Variants in CLIC5 observed in about 807,000 individuals in gnomAD.
CLIC5 encodes CLIC family member 5, also known as chloride intracellular channel protein 5.
CLIC5 carries 20 observed loss-of-function variants against 24.7 expected under a neutral mutation model. That is an observed-to-expected ratio of 0.81 (90% CI 0.57 to 1.18). CLIC5 has a LOEUF of 1.18. Ranked by LOEUF, CLIC5 falls within the 50% of genes most tolerant of loss-of-function variation. CLIC5 has a pLI of 0.00. For synonymous variants in CLIC5, 159 were observed against 135.6 expected, an observed-to-expected ratio of 1.17 and a Z score of -1.20; for missense variants, 341 against 326.1, an observed-to-expected ratio of 1.05 and a Z score of -0.35.
chr6:45,950,189 G>C (rs947670732), intron 2 of CLIC5, among the ~76,000 whole-genome samples: 4 of 152,186 alleles, frequency 2.6e-5, no homozygotes, highest in Non-Finnish European at 5.9e-5. Context: ...AGCTCCATGA[G>C]GGAAAGGACC....
intron 1 of CLIC5, among the ~76,000 whole-genome samples, chr6:45,977,261 C>T (rs970215289): frequency 6.6e-6 from 1 of 152,032 alleles, no homozygotes; most frequent in African/African-American, 2.4e-5. Flanking sequence ...TATAGTGAAA[C>T]ATAAACCTCT....
chr6:45,897,340 G>T (rs944677255), downstream of CLIC5, among the ~76,000 whole-genome samples: 1 of 152,182 alleles, frequency 6.6e-6, no homozygotes, highest in Non-Finnish European at 1.5e-5. Context: ...CAGCCAGCAG[G>T]ATGGCCCAGA....
rs1762452812 is a variant in CLIC5 at position 45,899,395 on chromosome 6, G to T, written c.*3693C>A. 6.6e-6 allele frequency: 1 copy of T among 152,246 alleles called. No individual in the cohort carries two copies. The highest frequency in any genetic ancestry group is 1.9e-4 in the East Asian group (1 of 5,194). The allele number at this position is 152,246 out of a possible 1,614,324, so 9.4% of individuals were successfully genotyped here. A position where few individuals can be genotyped will look rare whatever the true frequency, so the allele number is the denominator to read the frequency against. On this transcript the variant is annotated 3_prime_UTR_variant, in exon 6 of 6. Coordinates refer to ENST00000339561, the MANE Select transcript of CLIC5 (RefSeq NM_016929.5). Reference sequence around the variant, plus strand: ...CACCAGCATCTTGATTCACCGTGCAGTTGAGATGGCCCCTGGCCAGTGGGA... The same window carrying T: ...CACCAGCATCTTGATTCACCGTGCATTTGAGATGGCCCCTGGCCAGTGGGA...
chr6:46,121,560 G>A, the CLIC5 span, among the ~76,000 whole-genome samples: 14,660 of 152,032 alleles, frequency 0.096, 813 homozygotes, highest in East Asian at 0.16. Flanking sequence ...CATAATGACA[G>A]GATCAAATTC....
At chr6:46,028,235 T>G (rs937947698) in intron 1 of CLIC5, among the ~76,000 whole-genome samples, 5 of 152,320 alleles carry the variant, frequency 3.3e-5, no homozygotes, top group South Asian at 2.1e-4. Flanking sequence ...GTGGTCTGAT[T>G]GAGTTCACCA....
chr6:45,960,883 C>G (rs1470108546), intron 1 of CLIC5, among the ~76,000 whole-genome samples: 1 of 152,318 alleles, frequency 6.6e-6, no homozygotes, highest in African/African-American at 2.4e-5. Flanking sequence ...GTGCCAGGTT[C>G]CAAACCACTT....
intron 5 of CLIC5, among the ~76,000 whole-genome samples, chr6:45,903,501 A>G (rs1182421158): frequency 6.6e-6 from 1 of 152,220 alleles, no homozygotes; most frequent in Non-Finnish European, 1.5e-5. Flanking sequence ...ATTTTTTCTC[A>G]GGAAATAATC....
At chr6:45,974,853 T>C (rs1765334227) in intron 1 of CLIC5, among the ~76,000 whole-genome samples, 1 of 152,118 alleles carries the variant, frequency 6.6e-6, no homozygotes, top group South Asian at 2.1e-4. Context: ...TCAAGTCTGT[T>C]ATAATCACAT....
At position 46,052,125 on chromosome 6, in the gene CLIC5, GAA is replaced by G. The variant is rs11352899; in HGVS notation, c.540+27576_540+27577del. ...AACACAAAAATGATGAGATTTCCCT[GAA>G]AAAAAAAAAAAGAAGAAATTCTTGT... On this transcript the variant is annotated intron_variant, in intron 1 of 5. Transcript: ENST00000185206. Among the ~76,000 whole-genome samples the G allele has an allele frequency of 4.2e-3, 619 of 146,838 alleles. 2 individuals carry two copies. The highest frequency in any genetic ancestry group is 0.012 in the African/African-American group (480 of 40,286).
At chr6:46,093,225 T>C in the CLIC5 span, among the ~76,000 whole-genome samples, 3 of 152,200 alleles carry the variant, frequency 2.0e-5, no homozygotes, top group Non-Finnish European at 4.4e-5. Context: ...GCTCCACTTA[T>C]ACCTGGTCCC....
the CLIC5 span, among the ~76,000 whole-genome samples, chr6:46,093,184 GGCATC>G: frequency 6.6e-6 from 1 of 152,062 alleles, no homozygotes; most frequent in Non-Finnish European, 1.5e-5. Context: ...TGTTGGGTCA[GGCATC>G]ACATTATATT....
chr6:46,116,954 A>G, the CLIC5 span, among the ~76,000 whole-genome samples: 352 of 152,326 alleles, frequency 2.3e-3, 3 homozygotes, highest in Non-Finnish European at 4.2e-3. Flanking sequence ...GGGCATGCTT[A>G]TTTACAGACC....
At chr6:45,955,467 G>T (rs1471224698) in intron 1 of CLIC5, among the ~76,000 whole-genome samples, 1 of 152,154 alleles carries the variant, frequency 6.6e-6, no homozygotes, top group African/African-American at 2.4e-5. Flanking sequence ...AATTGAACTT[G>T]ATGATTATGC....
chr6:45,928,767 A>AGTGTGTGTGT (rs5875948), intron 4 of CLIC5, among the ~76,000 whole-genome samples: 191 of 144,170 alleles, frequency 1.3e-3, no homozygotes, highest in African/African-American at 3.8e-3. Context: ...GAAGTGCATA[A>AGTGTGTGTGT]GTGTGTGTGT....
intron 1 of CLIC5, among the ~76,000 whole-genome samples, chr6:46,047,185 G>A (rs1036103315): frequency 6.6e-6 from 1 of 152,180 alleles, no homozygotes; most frequent in Non-Finnish European, 1.5e-5. Flanking sequence ...GGGCATCTTG[G>A]GTACTTCACT....
At chr6:45,890,945 A>G (rs1581703906) in intron 6 of CLIC5, among the ~76,000 whole-genome samples, 2 of 152,126 alleles carry the variant, frequency 1.3e-5, no homozygotes, top group South Asian at 4.2e-4. Flanking sequence ...GGGAAGGGGG[A>G]GACATTGATC....
intron 6 of CLIC5, among the ~76,000 whole-genome samples, chr6:45,890,799 A>G (rs763244146): frequency 3.9e-5 from 6 of 152,212 alleles, no homozygotes; most frequent in Non-Finnish European, 5.9e-5. Flanking sequence ...AGAGGACATT[A>G]TGTTAAGTGA....
At chr6:46,073,975 G>T (rs1762692784) in intron 1 of CLIC5, among the ~76,000 whole-genome samples, 1 of 152,180 alleles carries the variant, frequency 6.6e-6, no homozygotes, top group Non-Finnish European at 1.5e-5. Context: ...AAAGCATCCA[G>T]GAAGAACCTA....
At chr6:45,955,100 C>T (rs1346859090) in intron 2 of CLIC5, 35 bp downstream of exon 2, 1 of 1,514,176 alleles carries the variant, frequency 6.6e-7, no homozygotes. Flanking sequence ...GTTCATGCAG[C>T]TAAACATACT....
Sources: gnomAD v4.1 joint callset for allele counts (sites outside exome capture counted in the v4.1 genomes callset) on GRCh38, gnomAD v4.1.1 for gene constraint, MANE v1.5 for transcripts, NCBI Gene and HGNC (gene_info 2026-07-23, HGNC 2026-07-21) for gene names.